Variants in PTPRD observed in about 807,000 individuals in gnomAD.
PTPRD encodes receptor-type tyrosine-protein phosphatase delta.
PTPRD carries 34 observed loss-of-function variants against 214.5 expected under a neutral mutation model. The observed-to-expected ratio is 0.16, with a 90% CI of 0.12 to 0.21. PTPRD has a LOEUF of 0.21. Among genes scored for constraint, PTPRD ranks in the 10% least tolerant of loss-of-function variants. PTPRD has a pLI of 1.00. For synonymous variants in PTPRD, 1,128 were observed against 845.7 expected (o/e 1.33, Z -5.79); for missense variants, 2,545 against 2,398.7 (o/e 1.06, Z -1.27).
chr9:9,964,658 A>C (rs2094567890), intron 4 of PTPRD, among the ~76,000 whole-genome samples: 1 of 152,182 alleles, frequency 6.6e-6, no homozygotes, highest in Admixed American at 6.5e-5. Flanking sequence ...AAAAATGTTT[A>C]GTTTATAAGC....
chr9:9,768,705 A>C (rs1479093273), intron 5 of PTPRD, among the ~76,000 whole-genome samples: 1 of 152,204 alleles, frequency 6.6e-6, no homozygotes, highest in Non-Finnish European at 1.5e-5. Flanking sequence ...CAAGGAAACA[A>C]AGTTTTCCAC....
intron 12 of PTPRD, among the ~76,000 whole-genome samples, chr9:8,678,626 G>C (rs1291880416): frequency 6.6e-6 from 1 of 152,174 alleles, no homozygotes; most frequent in Non-Finnish European, 1.5e-5. Context: ...TATAGGATAA[G>C]ATTCCAAAAG....
intron 11 of PTPRD, among the ~76,000 whole-genome samples, chr9:8,851,634 T>C (rs2097816837): frequency 6.6e-6 from 1 of 152,210 alleles, no homozygotes; most frequent in Non-Finnish European, 1.5e-5. Flanking sequence ...TTCTTGAATA[T>C]GGTATGTTCA....
chr9:9,536,250 A>G (rs1405412038), intron 8 of PTPRD, among the ~76,000 whole-genome samples: 1 of 151,924 alleles, frequency 6.6e-6, no homozygotes, highest in East Asian at 1.9e-4. Context: ...TTGTGTTTCC[A>G]TTCCCGGCCC....
chr9:9,388,887 C>T (rs4487835), intron 9 of PTPRD, among the ~76,000 whole-genome samples: 40,160 of 151,630 alleles, frequency 0.26, 5,415 homozygotes, highest in Middle Eastern at 0.3. Flanking sequence ...TTGCCAGTCT[C>T]CTGAAAAAAA....
intron 11 of PTPRD, among the ~76,000 whole-genome samples, chr9:8,840,588 C>T (rs1207720375): frequency 6.6e-6 from 1 of 152,156 alleles, no homozygotes; most frequent in East Asian, 1.9e-4. Context: ...CTTCTTACTC[C>T]ACCACCTGTT....
chr9:8,768,186 G>A lies in PTPRD; in HGVS notation c.-103-34240C>T, dbSNP rs565797348. 2.0e-5 allele frequency among the ~76,000 whole-genome samples: 3 copies of A among 152,242 alleles called. No individual in the cohort carries two copies. In the South Asian group the frequency reaches 6.2e-4, roughly 32 times the overall value. The stretch of plus-strand genomic sequence containing the variant: ...AAGGCAGGAGGCTTGCTTGAGCCCA[G>A]GAGTTTGAAACCACCCTGGGCAACA... On this transcript the variant is annotated intron_variant, in intron 11 of 45. Coordinates refer to ENST00000381196, the MANE Select transcript of PTPRD (RefSeq NM_002839.4).
At chr9:9,358,986 T>A (rs1001857020) in intron 9 of PTPRD, among the ~76,000 whole-genome samples, 6 of 151,328 alleles carry the variant, frequency 4.0e-5, no homozygotes, top group Non-Finnish European at 4.4e-5. Context: ...ACTGTCTCCT[T>A]CAGATTTTGC....
At chr9:8,543,794 C>T (rs1257724417) in intron 14 of PTPRD, among the ~76,000 whole-genome samples, 1 of 152,068 alleles carries the variant, frequency 6.6e-6, no homozygotes, top group Non-Finnish European at 1.5e-5. Context: ...CTCACTGCAA[C>T]CTCTGCCTCC....
chr9:9,082,760 GACAA>G (rs1182980378), intron 10 of PTPRD, among the ~76,000 whole-genome samples: 3 of 151,910 alleles, frequency 2.0e-5, no homozygotes, highest in Non-Finnish European at 1.5e-5. Context: ...ACCAATAATA[GACAA>G]ACAGAGAGCC....
chr9:9,598,003 T>C (rs1291066075), intron 7 of PTPRD, among the ~76,000 whole-genome samples: 1 of 152,028 alleles, frequency 6.6e-6, no homozygotes, highest in East Asian at 1.9e-4. Flanking sequence ...TGTATCCTGA[T>C]TAAAGACCTT....
At chr9:8,681,079 C>G (rs1405268006) in intron 12 of PTPRD, among the ~76,000 whole-genome samples, 2 of 152,136 alleles carry the variant, frequency 1.3e-5, no homozygotes, top group East Asian at 3.9e-4. Flanking sequence ...TGTTAGTGCC[C>G]TCAAGTGTCC....
intron 5 of PTPRD, among the ~76,000 whole-genome samples, chr9:9,815,652 C>G (rs868832267): frequency 1.9e-4 from 29 of 152,098 alleles, no homozygotes; most frequent in African/African-American, 7.0e-4. Context: ...CAGCAAGATA[C>G]ATATAGTGAT....
chr9:10,082,453 G>A (rs1238213069), intron 3 of PTPRD, among the ~76,000 whole-genome samples: 1 of 151,970 alleles, frequency 6.6e-6, no homozygotes, highest in Non-Finnish European at 1.5e-5. Context: ...TGGATGTACT[G>A]ATTTATGTAT....
chr9:9,088,451 G>T (rs752338105), intron 10 of PTPRD, among the ~76,000 whole-genome samples: 2 of 151,114 alleles, frequency 1.3e-5, no homozygotes, highest in Non-Finnish European at 2.9e-5. Flanking sequence ...ATGGTGGCAG[G>T]CACCTATAAT....
At chr9:8,496,729 A>G (rs1194432493) in intron 26 of PTPRD, among the ~76,000 whole-genome samples, 1 of 152,210 alleles carries the variant, frequency 6.6e-6, no homozygotes. Flanking sequence ...TGAGCAGCCT[A>G]CACCAAACAA....
intron 5 of PTPRD, among the ~76,000 whole-genome samples, chr9:9,937,085 G>T (rs1205850948): frequency 6.6e-6 from 1 of 152,112 alleles, no homozygotes; most frequent in African/African-American, 2.4e-5. Flanking sequence ...TTGGGTTGGG[G>T]GAAGGGGGAG....
intron 5 of PTPRD, among the ~76,000 whole-genome samples, chr9:9,825,053 C>T (rs1225717370): frequency 6.6e-6 from 1 of 151,920 alleles, no homozygotes; most frequent in Non-Finnish European, 1.5e-5. Context: ...TGCTCAGTTC[C>T]TAAATCCATT....
At chr9:8,734,460 A>AT (rs1379712220) in intron 11 of PTPRD, among the ~76,000 whole-genome samples, 5 of 152,218 alleles carry the variant, frequency 3.3e-5, no homozygotes, top group Non-Finnish European at 4.4e-5. Context: ...AGAGGTTAGA[A>AT]TTTTTTACAC....
Sources: gnomAD v4.1 joint callset for allele counts (sites outside exome capture counted in the v4.1 genomes callset) on GRCh38, gnomAD v4.1.1 for gene constraint, MANE v1.5 for transcripts, NCBI Gene and HGNC (gene_info 2026-07-23, HGNC 2026-07-21) for gene names.